Variants in SMCHD1 observed in about 807,000 individuals in gnomAD.
SMCHD1 encodes structural maintenance of chromosomes flexible hinge domain-containing protein 1.
Under a neutral mutation model 254.7 loss-of-function variants are expected in SMCHD1, and 78 were observed. That is an observed-to-expected ratio of 0.31 (90% CI 0.26 to 0.37). SMCHD1 has a LOEUF of 0.37. Among genes scored for constraint, SMCHD1 ranks in the 10% least tolerant of loss-of-function variants. SMCHD1 has a pLI of 1.00. For missense variants in SMCHD1, 1,840 were observed against 2,408.1 expected (o/e 0.76, Z 4.94); for synonymous variants, 766 against 794.9 (o/e 0.96, Z 0.61).
At chr18:2,754,795 G>T (rs181001433) in intron 34 of SMCHD1, among the ~76,000 whole-genome samples, 2 of 150,908 alleles carry the variant, frequency 1.3e-5, no homozygotes, top group Admixed American at 6.6e-5. Flanking sequence ...GGTTTGCTGT[G>T]TTCTTTTTAT....
At chr18:2,708,915 T>TATATATATATATATATAC (rs1568199419) in intron 17 of SMCHD1, among the ~76,000 whole-genome samples, 1 of 90,466 alleles carries the variant, frequency 1.1e-5, no homozygotes, top group Non-Finnish European at 2.2e-5. Flanking sequence ...TATAACATAT[T>TATATATATATATATATAC]AACATGAAAT....
At chr18:2,708,635 C>A in intron 17 of SMCHD1, among the ~76,000 whole-genome samples, 1 of 147,606 alleles carries the variant, frequency 6.8e-6, no homozygotes, top group African/African-American at 2.5e-5. Context: ...TTTTTTGAGA[C>A]AGAGCTTCGC....
In SMCHD1 at chr18:2,724,880, AAT is replaced by A; in HGVS notation, c.2604-17_2604-16del. 6.7e-7 allele frequency: 1 copy of A among 1,495,476 alleles called. No individual in the cohort carries two copies. Among genetic ancestry groups the A allele is most frequent in the Non-Finnish European group, 9.1e-7 (1 of 1,101,274 alleles). The allele number at this position is 1,495,476 out of a possible 1,614,324, so 92.6% of individuals were successfully genotyped here. A position where few individuals can be genotyped will look rare whatever the true frequency, so the allele number is the denominator to read the frequency against. On this transcript the variant is annotated splice_polypyrimidine_tract_variant and intron_variant, in intron 20 of 47. Coordinates refer to ENST00000320876, the MANE Select transcript of SMCHD1 (RefSeq NM_015295.3). ...TGTAGGCAATTGAGGGGAGTTAAAA[AAT>A]AATTTTTTTTCCCCAGTGGTTTATC...
chr18:2,680,234 G>A (rs1255632219), intron 5 of SMCHD1, among the ~76,000 whole-genome samples: 1 of 152,040 alleles, frequency 6.6e-6, no homozygotes, highest in African/African-American at 2.4e-5. Flanking sequence ...CTTTTTGCAT[G>A]GCTTGTAATT....
chr18:2,731,826 A>G (rs1416197138), intron 24 of SMCHD1, among the ~76,000 whole-genome samples: 2 of 152,202 alleles, frequency 1.3e-5, no homozygotes, highest in Non-Finnish European at 2.9e-5. Context: ...AGCCTGGCCA[A>G]CGTGGTGAAA....
In SMCHD1 at chr18:2,732,502, T is replaced by G. The variant is rs1260354465; in HGVS notation, c.3276+10T>G. The G allele has an allele frequency of 1.3e-6, 2 of 1,514,234 alleles. No individual in the cohort carries two copies. The highest frequency in any genetic ancestry group is 2.3e-5 in the South Asian group (2 of 85,290). The allele number at this position is 1,514,234 out of a possible 1,614,324, so 93.8% of individuals were successfully genotyped here. ...AGCAGAAAAAATTAAAGTAAGTATC[T>G]CTAACAGATTGGTTATTTGTAAGAA... On this transcript the variant is annotated intron_variant, in intron 25 of 47. Transcript: ENST00000320876.
chr18:2,709,953 A>C (rs2074630013), intron 17 of SMCHD1, among the ~76,000 whole-genome samples: 1 of 152,208 alleles, frequency 6.6e-6, no homozygotes, highest in South Asian at 2.1e-4. Flanking sequence ...TTGGTGTCTT[A>C]TCCAAGAGAT....
At chr18:2,771,703 C>A in intron 40 of SMCHD1, 85 bp downstream of exon 40, 1 of 1,085,670 alleles carries the variant, frequency 9.2e-7, no homozygotes, top group Non-Finnish European at 1.3e-6. Context: ...ATTAGGAATT[C>A]TGAGTATTGT....
chr18:2,779,273 C>G (rs1012179995), intron 44 of SMCHD1, among the ~76,000 whole-genome samples: 1 of 152,148 alleles, frequency 6.6e-6, no homozygotes, highest in Non-Finnish European at 1.5e-5. Context: ...TCTAAAATGC[C>G]TGCCTTATGT....
intron 25 of SMCHD1, 103 bp from the exon 26 acceptor site, chr18:2,738,294 G>A (rs539780561): frequency 3.5e-5 from 38 of 1,078,248 alleles, no homozygotes; most frequent in Non-Finnish European, 4.2e-5. Flanking sequence ...TTTCTTGGGG[G>A]TGAAGAAGAC....
chr18:2,722,456 G>C lies in SMCHD1; in HGVS notation c.2459-63G>C, dbSNP rs1343074073. 3 of 1,366,376 alleles carry C rather than the reference G, an allele frequency of 2.2e-6. No individual in the cohort carries two copies. The African/African-American group carries it at 4.4e-5, about 20-fold the overall frequency. The allele number at this position is 1,366,376 out of a possible 1,614,324, so 84.6% of individuals were successfully genotyped here. ...CTCAGATAGAAATGGATCTGTTTTT[G>C]ACCCCCAATGGCTTTTCTGACCAAT... On this transcript the variant is annotated intron_variant, in intron 19 of 47. Transcript: ENST00000320876.
In SMCHD1 at chr18:2,666,377, G is replaced by A. The variant is rs138760867; in HGVS notation, c.262+145G>A. On this transcript the variant is annotated intron_variant, in intron 2 of 47. Coordinates refer to ENST00000320876, the MANE Select transcript of SMCHD1 (RefSeq NM_015295.3). ...GGATGAGGGAGGAAACTGGCTGCAT[G>A]TGCATAGTCTGCACAGAGGTTATAT... The A allele has an allele frequency of 7.4e-6, 4 of 540,600 alleles. No homozygotes were observed. The East Asian group carries it at 1.2e-4, about 17-fold the overall frequency. The allele number at this position is 540,600 out of a possible 1,614,324, so 33.5% of individuals were successfully genotyped here. A position where few individuals can be genotyped will look rare whatever the true frequency, so the allele number is the denominator to read the frequency against.
intron 12 of SMCHD1, 150 bp from the exon 13 acceptor site, chr18:2,703,542 A>T (rs955879405): frequency 1.6e-6 from 1 of 621,458 alleles, no homozygotes; most frequent in Non-Finnish European, 2.7e-6. Context: ...AAATGTGTAC[A>T]GAGGAAGGAT....
chr18:2,755,565 C>CTTTTTTT (rs11413061), intron 34 of SMCHD1, among the ~76,000 whole-genome samples: 29 of 108,160 alleles, frequency 2.7e-4, no homozygotes, highest in East Asian at 8.5e-4. Flanking sequence ...TTCTTTCTTT[C>CTTTTTTT]TTTTTTTTTT....
At chr18:2,750,610 G>A in intron 32 of SMCHD1, 103 bp downstream of exon 32, 1 of 884,206 alleles carries the variant, frequency 1.1e-6, no homozygotes, top group South Asian at 2.5e-5. Context: ...GTCTAATGTA[G>A]GAGACAGGGA....
At chr18:2,747,202 ATATGCAAATAC>A (rs980385650) in intron 29 of SMCHD1, among the ~76,000 whole-genome samples, 1 of 152,228 alleles carries the variant, frequency 6.6e-6, no homozygotes, top group Admixed American at 6.5e-5. Context: ...TGCTTAGGTT[ATATGCAAATAC>A]TATGCAATTT....
At chr18:2,776,378 T>A (rs149838590) in intron 42 of SMCHD1, among the ~76,000 whole-genome samples, 1 of 149,016 alleles carries the variant, frequency 6.7e-6, no homozygotes, top group Non-Finnish European at 1.5e-5. Flanking sequence ...CATGCCAGCA[T>A]GCCCAGCTAA....
intron 5 of SMCHD1, among the ~76,000 whole-genome samples, chr18:2,687,714 C>T (rs1342009502): frequency 6.6e-6 from 1 of 152,146 alleles, no homozygotes; most frequent in Non-Finnish European, 1.5e-5. Flanking sequence ...TTTAACGCCA[C>T]TTTGATATTT....
intron 45 of SMCHD1, chr18:2,785,004 A>G (rs948548245): frequency 8.9e-6 from 3 of 338,512 alleles, no homozygotes; most frequent in South Asian, 2.3e-5. Context: ...ATTTTATTAC[A>G]TAATCATAAT....
Sources: gnomAD v4.1 joint callset for allele counts (sites outside exome capture counted in the v4.1 genomes callset) on GRCh38, gnomAD v4.1.1 for gene constraint, MANE v1.5 for transcripts, NCBI Gene and HGNC (gene_info 2026-07-23, HGNC 2026-07-21) for gene names.